The following ZNF202 variants were observed in gnomAD, a reference collection of about 807,000 sequenced individuals.
The protein encoded by ZNF202 is zinc finger protein 202.
ZNF202 carries 22 observed loss-of-function variants against 54.5 expected under a neutral mutation model. That is an observed-to-expected ratio of 0.40 (90% confidence interval 0.29 to 0.58). The LOEUF is 0.58. Ranked by LOEUF, ZNF202 falls within the 20% of genes least tolerant of loss-of-function variation. The probability of loss-of-function intolerance (pLI) is 0.39; values close to 1 mark genes in which losing one functional copy is unlikely to be tolerated. For synonymous variants in ZNF202, 294 were observed against 301.4 expected (o/e 0.98, Z 0.26); for missense variants, 644 against 805.5 (o/e 0.80, Z 2.43).
Position 123,729,668 on chromosome 11 carries a change from G to A in ZNF202, c.560C>T (p.Pro187Leu), listed in dbSNP as rs201276058. The change falls in exon 5 of 9, where the codon CCG becomes CTG. Residue 187 changes from proline to leucine, a missense_variant. Pro to Leu is a moderately conservative substitution (Grantham distance 98). Transcript: ENST00000530393. ...TTCCTGGTGTGGACGCTGCTCTGCC[G>A]GTGCCCCCAGATCTGGGCTCTGTGT... is the stretch of plus-strand genomic sequence containing the variant. ...ETTQSPDLGA[P>L]AEQRPHQEEE... The A allele has an allele frequency of 2.0e-5, 32 of 1,611,494 alleles. No individual in the cohort carries two copies. The Admixed American group carries it at 2.0e-4, about 10-fold the overall frequency.
chr11:123,726,773 G>A lies in ZNF202; in HGVS notation c.1171C>T (p.Pro391Ser), dbSNP rs764948685. Residue 391 changes from proline (P) to serine (S), a missense_variant, in exon 9 of 9, where the codon CCC (proline) becomes TCC (serine). Physicochemically the swap from Pro to Ser is moderately conservative, Grantham distance 74. Transcript: ENST00000530393. The surrounding 1 kb of genome is among the most constrained non-coding windows in gnomAD (Gnocchi z 6.0). ...CAGTCATGATGCCTCCCTAACAGGG[G>A]GTGGACGGGTGTAGTTTCCCGAAGG... ...VNLRETTPVH[P>S]LLGRHHDCSV... is the part of the protein sequence containing the mutation. 61 of 1,614,054 alleles carry A rather than the reference G, an allele frequency of 3.8e-5. No homozygotes were observed. Among genetic ancestry groups the A allele is most frequent in the Non-Finnish European group, 5.2e-5 (61 of 1,180,044 alleles).
At chr11:123,737,659 T>C (rs1861687696) in intron 3 of ZNF202, among the ~76,000 whole-genome samples, 1 of 141,838 alleles carries the variant, frequency 7.1e-6, no homozygotes, top group Admixed American at 7.3e-5. Flanking sequence ...AAATGAAAAA[T>C]AAAAATTGTA....
chr11:123,731,252 C>G (rs1861394463), intron 3 of ZNF202, among the ~76,000 whole-genome samples: 1 of 152,176 alleles, frequency 6.6e-6, no homozygotes. Context: ...TGCCAATTCC[C>G]CCGCTTAAGT....
At chr11:123,738,268 C>A (rs529546461) in intron 3 of ZNF202, among the ~76,000 whole-genome samples, 1 of 152,270 alleles carries the variant, frequency 6.6e-6, no homozygotes, top group East Asian at 1.9e-4. Context: ...GCTTTGGCCT[C>A]CCAAAGTGTT....
rs535230515 is a variant in ZNF202 at position 123,728,208 on chromosome 11, C to G, written c.757G>C (p.Asp253His). 34 of 1,613,200 alleles carry G rather than the reference C, an allele frequency of 2.1e-5. No individual in the cohort carries two copies. The highest frequency in any genetic ancestry group is 1.9e-4 in the South Asian group (17 of 91,022). ...AVCFSQDQWS[D>H]LDPTQKEFYG... ...AACTCTTTCTGTGTTGGGTCCAGATCACTCCACTGGTCCTGGGAAAAGCAT... is the reference window on the plus strand; with the variant it reads ...AACTCTTTCTGTGTTGGGTCCAGATGACTCCACTGGTCCTGGGAAAAGCAT... Residue 253 changes from aspartate (D) to histidine (H), a missense_variant, in exon 7 of 9, where the codon GAT (aspartate) becomes CAT (histidine). Physicochemically the swap from Asp to His is moderately conservative, Grantham distance 81. This residue lies in a region of ZNF202 where 536 missense variants were observed against 635.3 expected (regional missense o/e 0.84). Coordinates refer to ENST00000530393, the MANE Select transcript of ZNF202 (RefSeq NM_003455.4).
At chr11:123,733,977 A>C (rs772330345) in intron 3 of ZNF202, among the ~76,000 whole-genome samples, 8 of 152,192 alleles carry the variant, frequency 5.3e-5, no homozygotes, top group Non-Finnish European at 1.2e-4. Flanking sequence ...CTCAATCCCT[A>C]GAAACCTTAT....
chr11:123,729,641 T>G lies in ZNF202; in HGVS notation c.587A>C (p.Glu196Ala), dbSNP rs764680190. The G allele has an allele frequency of 1.9e-6, 3 of 1,604,796 alleles. No individual in the cohort carries two copies. Among genetic ancestry groups the G allele is most frequent in the African/African-American group, 2.7e-5 (2 of 74,874 alleles). ...APAEQRPHQEEELQTLQESEV... is the reference protein window; with the variant it reads ...APAEQRPHQEAELQTLQESEV... ...GCTCTCCTGCAGGGTCTGGAGCTCC[T>G]CTTCCTGGTGTGGACGCTGCTCTGC... The change falls in exon 5 of 9, where the codon GAG becomes GCG. Residue 196 changes from glutamate to alanine, a missense_variant. Glu to Ala is a moderately radical substitution (Grantham distance 107). Coordinates refer to ENST00000530393, the MANE Select transcript of ZNF202 (RefSeq NM_003455.4).
chr11:123,731,013 A>T, intron 3 of ZNF202, 28 bp from the exon 4 acceptor site: 1 of 1,153,982 alleles, frequency 8.7e-7, no homozygotes, highest in Non-Finnish European at 1.2e-6. Context: ...GACAAACAAG[A>T]GTATAAGCAT....
intron 3 of ZNF202, among the ~76,000 whole-genome samples, chr11:123,731,413 C>A (rs945052602): frequency 6.6e-6 from 1 of 152,186 alleles, no homozygotes; most frequent in Admixed American, 6.5e-5. Context: ...GGAGATTTTG[C>A]AAAACATAGT....
At chr11:123,735,893 C>T (rs1206012776) in intron 3 of ZNF202, among the ~76,000 whole-genome samples, 1 of 152,186 alleles carries the variant, frequency 6.6e-6, no homozygotes, top group Non-Finnish European at 1.5e-5. Flanking sequence ...TACCTTTCTT[C>T]AATGTCTGTC....
At chr11:123,739,326 G>A (rs1468309730) in intron 3 of ZNF202, 1 of 152,152 alleles carries the variant, frequency 6.6e-6, no homozygotes, top group East Asian at 1.9e-4. Flanking sequence ...GAGGGGAGGA[G>A]GACAAGGGAT....
At chr11:123,728,401 C>T (rs552362722) in intron 6 of ZNF202, 139 bp from the exon 7 acceptor site, 8 of 1,159,478 alleles carry the variant, frequency 6.9e-6, no homozygotes, top group South Asian at 1.9e-5. Context: ...AACTCATTCT[C>T]GGGGGAGCCA....
chr11:123,725,847 T>G lies in ZNF202; in HGVS notation c.*150A>C. 2.2e-6 allele frequency: 2 copies of G among 889,600 alleles called. No homozygotes were observed. The highest frequency in any genetic ancestry group is 3.3e-6 in the Non-Finnish European group (2 of 604,194). 55.1% of individuals were successfully genotyped at this position (889,600 alleles called of 1,614,324 possible). On this transcript the variant is annotated 3_prime_UTR_variant, in exon 9 of 9. Coordinates refer to ENST00000530393, the MANE Select transcript of ZNF202 (RefSeq NM_003455.4). Reference sequence around the variant, plus strand: ...GGCTGAGAGGTTCTGCCCAGGCTCGTGTTTAGTTGCAGGAAGAGGTAATGT... The same window carrying G: ...GGCTGAGAGGTTCTGCCCAGGCTCGGGTTTAGTTGCAGGAAGAGGTAATGT...
At position 123,733,248 on chromosome 11, in the gene ZNF202, A is replaced by G. The variant is rs116542539; in HGVS notation, c.-97-2263T>C. On this transcript the variant is annotated intron_variant, in intron 3 of 8. Transcript: ENST00000530393. The stretch of plus-strand genomic sequence containing the variant: ...TCAAATGAGTTTACAGTCAATGATC[A>G]CATTATCTTCATTCTTTCTCAAAAC... Among the ~76,000 whole-genome samples the G allele has an allele frequency of 5.6e-3, 800 of 141,648 alleles. 13 individuals carry two copies. The highest frequency in any genetic ancestry group is 0.018 in the African/African-American group (725 of 39,874). 92.9% of individuals were successfully genotyped at this position (141,648 alleles called of 152,430 possible). A position where few individuals can be genotyped will look rare whatever the true frequency, so the allele number is the denominator to read the frequency against.
intron 4 of ZNF202, 139 bp from the exon 5 acceptor site, chr11:123,729,964 A>G: frequency 1.1e-6 from 1 of 872,772 alleles, no homozygotes; most frequent in Non-Finnish European, 1.7e-6. Flanking sequence ...TCCAGTTTCA[A>G]TGGAGCAGGC....
At chr11:123,729,521 C>A in intron 5 of ZNF202, 94 bp downstream of exon 5, 1 of 1,370,148 alleles carries the variant, frequency 7.3e-7, no homozygotes, top group Non-Finnish European at 9.7e-7. Flanking sequence ...AGTCTATCTA[C>A]CCAGCTTCCT....
At chr11:123,739,255 A>G (rs1861760619) in intron 3 of ZNF202, among the ~76,000 whole-genome samples, 1 of 152,216 alleles carries the variant, frequency 6.6e-6, no homozygotes, top group Non-Finnish European at 1.5e-5. Context: ...GGGGGTAATC[A>G]AGTGGCATAA....
rs536901794 is a variant in ZNF202 at position 123,740,536 on chromosome 11, C to G, written c.-293G>C. On this transcript the variant is annotated splice_region_variant and 5_prime_UTR_variant, in exon 2 of 9. Transcript: ENST00000530393. ...CTGAGTGTAGCTGCCCTGGGTGTCA[C>G]CTGCAGAGCGTGGATAGAGAAAAAG... The G allele has an allele frequency of 6.6e-6, 1 of 152,258 alleles. No homozygotes were observed. Among genetic ancestry groups the G allele is most frequent in the Admixed American group, 6.5e-5 (1 of 15,286 alleles). The allele number at this position is 152,258 out of a possible 1,614,324, so 9.4% of individuals were successfully genotyped here. A position where few individuals can be genotyped will look rare whatever the true frequency, so the allele number is the denominator to read the frequency against.
chr11:123,734,032 T>G (rs1382867599), intron 3 of ZNF202, among the ~76,000 whole-genome samples: 1 of 152,196 alleles, frequency 6.6e-6, no homozygotes, highest in Non-Finnish European at 1.5e-5. Context: ...CAGCTTATAC[T>G]TATTTTTCTA....
Sources: gnomAD v4.1 joint callset for allele counts (sites outside exome capture counted in the v4.1 genomes callset) on GRCh38, gnomAD v4.1.1 for gene constraint, gnomAD v4.1.1 regional missense constraint, Gnocchi (gnomAD v3.1) non-coding constraint, MANE v1.5 for transcripts, NCBI Gene and HGNC (gene_info 2026-07-23, HGNC 2026-07-21) for gene names.